LDB2: variants seen among roughly 807,000 people sequenced by gnomAD.
The protein encoded by LDB2 is LIM domain-binding protein 2.
LDB2 carries 12 observed loss-of-function variants against 44.3 expected under a neutral mutation model. The observed-to-expected ratio is 0.27, with a 90% CI of 0.17 to 0.44. The LOEUF is 0.44. Ranked by LOEUF, LDB2 falls within the 20% of genes least tolerant of loss-of-function variation. The pLI is 1.00. For synonymous variants in LDB2, 164 were observed against 174.8 expected (o/e 0.94, Z 0.49); for missense variants, 344 against 473.5 (o/e 0.73, Z 2.54).
At chr4:16,749,067 C>G (rs1764927299) in intron 2 of LDB2, among the ~76,000 whole-genome samples, 1 of 151,918 alleles carries the variant, frequency 6.6e-6, no homozygotes, top group Non-Finnish European at 1.5e-5. Flanking sequence ...GAAATTATAC[C>G]CAGTAAGATG....
intron 2 of LDB2, among the ~76,000 whole-genome samples, chr4:16,710,714 C>A (rs1004351709): frequency 2.6e-5 from 4 of 152,188 alleles, no homozygotes; most frequent in Non-Finnish European, 5.9e-5. Flanking sequence ...GGGCATCCAA[C>A]TCAGAAACAT....
chr4:16,694,057 C>T (rs935354694), intron 2 of LDB2, among the ~76,000 whole-genome samples: 1 of 152,198 alleles, frequency 6.6e-6, no homozygotes, highest in African/African-American at 2.4e-5. Flanking sequence ...AGTGGGGCTG[C>T]AACGGACCCC....
At chr4:16,798,846 TTTTA>T (rs903605059) in intron 1 of LDB2, among the ~76,000 whole-genome samples, 2 of 152,162 alleles carry the variant, frequency 1.3e-5, no homozygotes, top group East Asian at 1.9e-4. Flanking sequence ...GGGGTTTTCT[TTTTA>T]TTTATTTATT....
At chr4:16,682,436 C>A (rs1009375883) in intron 2 of LDB2, among the ~76,000 whole-genome samples, 1 of 152,200 alleles carries the variant, frequency 6.6e-6, no homozygotes, top group African/African-American at 2.4e-5. Flanking sequence ...TCACAGCCCA[C>A]TGAGCCTCAA....
intron 2 of LDB2, among the ~76,000 whole-genome samples, chr4:16,669,677 G>C (rs1288752284): frequency 6.6e-6 from 1 of 152,178 alleles, no homozygotes; most frequent in Non-Finnish European, 1.5e-5. Flanking sequence ...ATTTGTCTAA[G>C]ATCACATACT....
At chr4:16,542,042 C>T (rs1368758994) in intron 5 of LDB2, among the ~76,000 whole-genome samples, 1 of 143,292 alleles carries the variant, frequency 7.0e-6, no homozygotes, top group Admixed American at 7.3e-5. Context: ...CCCGGCTCCT[C>T]ACTGACGTGC....
chr4:16,781,774 G>A (rs1377751049), intron 1 of LDB2, among the ~76,000 whole-genome samples: 1 of 152,160 alleles, frequency 6.6e-6, no homozygotes. Context: ...TAGGGTCCTT[G>A]CAGATTAATA....
chr4:16,547,590 G>A (rs1259753855), intron 5 of LDB2, among the ~76,000 whole-genome samples: 1 of 152,132 alleles, frequency 6.6e-6, no homozygotes, highest in Admixed American at 6.5e-5. Flanking sequence ...GCTCCTGCCT[G>A]CTCCTTATTG....
intron 1 of LDB2, among the ~76,000 whole-genome samples, chr4:16,890,317 T>C (rs368799832): frequency 2.6e-5 from 4 of 152,202 alleles, no homozygotes; most frequent in African/African-American, 9.6e-5. Context: ...AATATCACCT[T>C]GGCTGTTTGT....
intron 5 of LDB2, among the ~76,000 whole-genome samples, chr4:16,574,277 C>T (rs1467903340): frequency 6.6e-6 from 1 of 152,140 alleles, no homozygotes; most frequent in African/African-American, 2.4e-5. Flanking sequence ...TTAACAATAA[C>T]AACAACAAAT....
chr4:16,788,719 T>C (rs1024207279), intron 1 of LDB2, among the ~76,000 whole-genome samples: 4 of 152,140 alleles, frequency 2.6e-5, no homozygotes, highest in Admixed American at 1.3e-4. Context: ...AGAAGGAAGG[T>C]AGGAAAGAAG....
chr4:16,682,775 C>G (rs1384948305), intron 2 of LDB2, among the ~76,000 whole-genome samples: 1 of 152,210 alleles, frequency 6.6e-6, no homozygotes, highest in Non-Finnish European at 1.5e-5. Flanking sequence ...ATGTTGAGTC[C>G]TCCAACCAAA....
intron 2 of LDB2, among the ~76,000 whole-genome samples, chr4:16,749,581 TA>T (rs1277925447): frequency 0.024 from 2,943 of 123,714 alleles, 118 homozygotes; most frequent in African/African-American, 0.082. Flanking sequence ...AATAAAAAAA[TA>T]AAAAAAAATA....
chr4:16,628,750 G>A (rs1560686577), intron 2 of LDB2, among the ~76,000 whole-genome samples: 2 of 152,174 alleles, frequency 1.3e-5, no homozygotes. Flanking sequence ...ACTGGGACTG[G>A]TTGGACAGTG....
intron 1 of LDB2, among the ~76,000 whole-genome samples, chr4:16,814,862 A>C (rs1390804568): frequency 6.6e-6 from 1 of 152,102 alleles, no homozygotes; most frequent in Non-Finnish European, 1.5e-5. Flanking sequence ...CTGGGTCCTG[A>C]AAATAGAGTG....
intron 2 of LDB2, among the ~76,000 whole-genome samples, chr4:16,659,879 C>T (rs1336518271): frequency 6.6e-6 from 1 of 152,110 alleles, no homozygotes; most frequent in Non-Finnish European, 1.5e-5. Flanking sequence ...CTTACAAAGG[C>T]TTTTGTAACT....
intron 2 of LDB2, among the ~76,000 whole-genome samples, chr4:16,658,497 T>C (rs1392390865): frequency 1.3e-5 from 2 of 152,008 alleles, no homozygotes; most frequent in Non-Finnish European, 2.9e-5. Flanking sequence ...TTTGGAGGAC[T>C]CAGGAGAACA....
rs148537331 is a variant in LDB2 at position 16,777,727 on chromosome 4, A to G, written c.133-18467T>C. ...CTGGCCTCGGTTTCCCCATCTGTAA[A>G]ATGGGGACAGCAATCACATCTGCCT... On this transcript the variant is annotated intron_variant, in intron 1 of 7. Transcript: ENST00000304523. Among the ~76,000 whole-genome samples the G allele has an allele frequency of 6.6e-4, 101 of 152,190 alleles. 1 individual carries two copies. In the East Asian group the frequency reaches 0.02, roughly 29 times the overall value.
chr4:16,642,003 A>G (rs1291684369), intron 2 of LDB2, among the ~76,000 whole-genome samples: 1 of 152,232 alleles, frequency 6.6e-6, no homozygotes, highest in Non-Finnish European at 1.5e-5. Context: ...ATCCATAAGT[A>G]TGTAGAATTA....
Sources: gnomAD v4.1 joint callset for allele counts (sites outside exome capture counted in the v4.1 genomes callset) on GRCh38, gnomAD v4.1.1 for gene constraint, MANE v1.5 for transcripts, NCBI Gene and HGNC (gene_info 2026-07-23, HGNC 2026-07-21) for gene names.